Variants in ABCA12 observed in about 807,000 individuals in gnomAD.
ABCA12 encodes ATP binding cassette subfamily A member 12.
ABCA12 carries 156 observed loss-of-function variants against 293.5 expected under a neutral mutation model. The observed-to-expected ratio is 0.53, with a 90% CI of 0.47 to 0.61. The LOEUF (loss-of-function observed/expected upper bound fraction) is 0.61, where lower values mean the gene tolerates loss of function less well. Among genes scored for constraint, ABCA12 ranks in the 20% least tolerant of loss-of-function variants. The pLI is 0.00. For missense variants in ABCA12, 2,797 were observed against 3,090.2 expected, an observed-to-expected ratio of 0.91 and a Z score of 2.25; for synonymous variants, 1,063 against 1,108.0, an observed-to-expected ratio of 0.96 and a Z score of 0.81.
chr2:214,947,613 A>G, intron 47 of ABCA12, 57 bp from the exon 48 acceptor site: 2 of 1,589,850 alleles, frequency 1.3e-6, no homozygotes, highest in Non-Finnish European at 1.7e-6. Flanking sequence ...CCCTTAAAGC[A>G]CTAAATGGAA....
At chr2:215,035,142 A>G (rs1700964463) in intron 8 of ABCA12, among the ~76,000 whole-genome samples, 1 of 152,158 alleles carries the variant, frequency 6.6e-6, no homozygotes, top group African/African-American at 2.4e-5. Context: ...TCCTAGAAAT[A>G]CTTAGGAGGG....
At chr2:214,961,693 C>A (rs772404384) in intron 39 of ABCA12, 2 of 152,150 alleles carry the variant, frequency 1.3e-5, no homozygotes, top group Non-Finnish European at 1.5e-5. Context: ...TTACACTAGA[C>A]CCAATTCACT....
chr2:215,021,316 A>G (rs907858026), intron 11 of ABCA12, among the ~76,000 whole-genome samples: 2 of 152,200 alleles, frequency 1.3e-5, no homozygotes, highest in African/African-American at 4.8e-5. Context: ...TAGGTATTAC[A>G]GGATACTCGG....
At chr2:215,099,998 ATCTCTCTCTC>A (rs771541522) in intron 2 of ABCA12, among the ~76,000 whole-genome samples, 10 of 147,880 alleles carry the variant, frequency 6.8e-5, no homozygotes, top group Non-Finnish European at 1.5e-4. Flanking sequence ...GATGAAATTG[ATCTCTCTCTC>A]TCTCTCTCTT....
Position 215,019,750 on chromosome 2 carries a change from G to T in ABCA12, c.1334C>A (p.Thr445Asn). ...GCATGACTTCTCTATCAAACTGAAAGTTTCAGATTCACAAAGAAGTTCGGT... is the reference window on the plus strand; with the variant it reads ...GCATGACTTCTCTATCAAACTGAAATTTTCAGATTCACAAAGAAGTTCGGT... Reference protein sequence around the residue: ...NLTELLCESETFSLIEKSCQL... With the variant: ...NLTELLCESENFSLIEKSCQL... Residue 445 changes from threonine to asparagine, a missense_variant, in exon 12 of 53, where the codon ACT becomes AAT. Physicochemically the swap from Thr to Asn is moderately conservative, Grantham distance 65 (BLOSUM62 0). Coordinates refer to ENST00000272895, the MANE Select transcript of ABCA12 (RefSeq NM_173076.3). The T allele has an allele frequency of 6.2e-7, 1 of 1,613,944 alleles. No individual in the cohort carries two copies. Among genetic ancestry groups the T allele is most frequent in the South Asian group, 1.1e-5 (1 of 91,088 alleles).
intron 39 of ABCA12, chr2:214,962,995 C>A (rs374495828): frequency 6.6e-6 from 1 of 151,990 alleles, no homozygotes; most frequent in African/African-American, 2.4e-5. Context: ...AACCTAACAT[C>A]TTAACTAAAA....
chr2:215,046,394 C>G (rs1018230186), intron 6 of ABCA12, among the ~76,000 whole-genome samples: 1 of 148,914 alleles, frequency 6.7e-6, no homozygotes, highest in African/African-American at 2.5e-5. Flanking sequence ...ATACTTATTA[C>G]TAGGTGTTAT....
chr2:215,119,315 C>T (rs1469551264), intron 1 of ABCA12, among the ~76,000 whole-genome samples: 1 of 152,084 alleles, frequency 6.6e-6, no homozygotes, highest in Non-Finnish European at 1.5e-5. Context: ...TTAATTAGGT[C>T]CCATTTATTA....
chr2:215,092,395 A>G (rs1041615943), intron 2 of ABCA12, among the ~76,000 whole-genome samples: 1 of 152,100 alleles, frequency 6.6e-6, no homozygotes, highest in African/African-American at 2.4e-5. Flanking sequence ...TTCCTGGACT[A>G]TAGCCACATC....
rs145517253 is a variant in ABCA12 at position 214,987,697 on chromosome 2, T to C, written c.3926A>G (p.Asn1309Ser). Residue 1309 changes from asparagine (N) to serine (S), a missense_variant, in exon 27 of 53, where the codon AAT (asparagine) becomes AGT (serine). Physicochemically the swap from Asn to Ser is conservative, Grantham distance 46 (BLOSUM62 1). This residue lies in a region of ABCA12 where 2,130 missense variants were observed against 2,427.0 expected (regional missense o/e 0.88). Transcript: ENST00000272895. ...GCAEVKPEKS[N>S]GLMFTNIMMQ... ...CATGATGTTAGTAAACATGAGGCCA[T>C]TGCTCTTCTCAGGCTTCACCTCTGC... The C allele has an allele frequency of 6.4e-5, 103 of 1,613,982 alleles. No individual in the cohort carries two copies. Among genetic ancestry groups the C allele is most frequent in the Admixed American group, 2.3e-4 (14 of 60,004 alleles).
chr2:215,041,551 C>CAAAAAAAA (rs74770979), intron 7 of ABCA12, among the ~76,000 whole-genome samples: 1 of 86,502 alleles, frequency 1.2e-5, no homozygotes, highest in Non-Finnish European at 2.7e-5. Flanking sequence ...GACTCCATCT[C>CAAAAAAAA]AAAAAAAAAA....
At chr2:215,015,716 T>C (rs1700479551) in intron 14 of ABCA12, 53 bp from the exon 15 acceptor site, 3 of 1,554,110 alleles carry the variant, frequency 1.9e-6, no homozygotes, top group South Asian at 1.1e-5. Context: ...GAGAGTCAAC[T>C]GTTCATTTTG....
At chr2:214,980,404 G>C in intron 31 of ABCA12, 79 bp downstream of exon 31, 1 of 1,571,106 alleles carries the variant, frequency 6.4e-7, no homozygotes. Context: ...AATGAATAAA[G>C]TTGGAGAGAC....
intron 2 of ABCA12, among the ~76,000 whole-genome samples, chr2:215,076,838 A>C (rs971957554): frequency 3.3e-5 from 5 of 152,228 alleles, no homozygotes; most frequent in Admixed American, 2.6e-4. Context: ...CACAGTGCTG[A>C]GCAAAACATA....
Position 214,990,879 on chromosome 2 carries a change from C to A in ABCA12, c.3447G>T (p.Leu1149=). The part of the protein sequence containing the change: ...LPKTNGFILF[L]YFSDYSFSVI... ...CCGAGAAGCTGTAGTCCGAAAAATA[C>A]AGGAACAAAATGAACCCATTTGTTT... The change falls in exon 24 of 53, where the codon CTG becomes CTT. Residue 1149 remains leucine (L), a synonymous_variant. Coordinates refer to ENST00000272895, the MANE Select transcript of ABCA12 (RefSeq NM_173076.3). 8 of 1,613,976 alleles carry A rather than the reference C, an allele frequency of 5.0e-6. No homozygotes were observed. The highest frequency in any genetic ancestry group is 6.8e-6 in the Non-Finnish European group (8 of 1,179,958).
chr2:215,012,009 T>G lies in ABCA12; in HGVS notation c.2083A>C (p.Lys695Gln). The G allele has an allele frequency of 6.2e-7, 1 of 1,614,054 alleles. No homozygotes were observed. The highest frequency in any genetic ancestry group is 1.1e-5 in the South Asian group (1 of 91,080). The change falls in exon 16 of 53, where the codon AAG becomes CAG. Residue 695 changes from lysine (K) to glutamine (Q), a missense_variant. Around this residue, in one of 3 missense-constraint regions of ABCA12, gnomAD observed 2,130 missense variants for 2,427.0 expected, o/e 0.88. Coordinates refer to ENST00000272895, the MANE Select transcript of ABCA12 (RefSeq NM_173076.3). ...HPLLDKMRSL[K>Q]QMHLPRSVPL... is the part of the protein sequence containing the mutation. ...ACACTTCTGGGCAGATGCATTTGCT[T>G]CAGGGATCTCATTTTGTCTAGCAGC... is the stretch of plus-strand genomic sequence containing the variant.
chr2:214,958,584 G>A (rs1699023443), intron 40 of ABCA12, 130 bp from the exon 41 acceptor site: 1 of 906,530 alleles, frequency 1.1e-6, no homozygotes, highest in Admixed American at 2.0e-5. Flanking sequence ...AAGGCATCCT[G>A]CAAGGCAGCC....
At chr2:215,091,374 A>G (rs1007807613) in intron 2 of ABCA12, among the ~76,000 whole-genome samples, 1 of 152,084 alleles carries the variant, frequency 6.6e-6, no homozygotes, top group African/African-American at 2.4e-5. Flanking sequence ...AACCTGCCCA[A>G]TAATTTCCTC....
At position 214,951,039 on chromosome 2, in the gene ABCA12, A is replaced by G. The variant is rs959036612; in HGVS notation, c.6692T>C (p.Ile2231Thr). ...KFNSSHVRET[I>T]DEDEDVRAER... The stretch of plus-strand genomic sequence containing the variant: ...AGCCCGCACATCTTCATCCTCATCT[A>G]TTGTCTCCCTTACATGTGAAGAATT... The change falls in exon 45 of 53, where the codon ATA becomes ACA. Residue 2231 changes from isoleucine to threonine, a missense_variant. Physicochemically the swap from Ile to Thr is moderately conservative, Grantham distance 89. Coordinates refer to ENST00000272895, the MANE Select transcript of ABCA12 (RefSeq NM_173076.3). 6.8e-6 allele frequency: 11 copies of G among 1,614,074 alleles called. No individual in the cohort carries two copies. The highest frequency in any genetic ancestry group is 6.7e-5 in the East Asian group (3 of 44,868).
Sources: allele counts gnomAD v4.1 joint callset (sites outside exome capture counted in the v4.1 genomes callset), GRCh38; gene constraint gnomAD v4.1.1; regional missense constraint gnomAD v4.1.1; transcripts MANE v1.5; gene names NCBI Gene and HGNC (gene_info 2026-07-23, HGNC 2026-07-21).